Variants in DPM1 observed in about 807,000 individuals in gnomAD.
The protein encoded by DPM1 is dolichyl-phosphate mannosyltransferase subunit 1, catalytic.
DPM1 carries 27 observed loss-of-function variants against 39.0 expected under a neutral mutation model. The observed-to-expected ratio is 0.69, with a 90% confidence interval of 0.51 to 0.95. The LOEUF is 0.95. Ranked by LOEUF, DPM1 falls within the 40% of genes least tolerant of loss-of-function variation. DPM1 has a pLI of 0.00. For missense variants in DPM1, 307 were observed against 315.6 expected, an observed-to-expected ratio of 0.97 and a Z score of 0.21; for synonymous variants, 124 against 109.0, an observed-to-expected ratio of 1.14 and a Z score of -0.86.
intron 5 of DPM1, among the ~76,000 whole-genome samples, chr20:50,943,299 T>G (rs1021333485): frequency 1.3e-5 from 2 of 152,250 alleles, no homozygotes; most frequent in Admixed American, 1.3e-4. Context: ...CCTCTGTGGT[T>G]GTTTCCATGG....
In DPM1 at chr20:50,958,401, C is replaced by A. The variant is rs762396281; in HGVS notation, c.123G>T (p.Pro41=). The stretch of plus-strand genomic sequence containing the variant: ...TTTTCACCAGCAGCCACACGATGAG[C>A]GGCAGGTTCTCGCGCTCGTTGTAGG... ...LPTYNERENL[P]LIVWLLVKSF... The change falls in exon 1 of 9, where the codon CCG becomes CCT. Residue 41 remains proline (P), a synonymous_variant. Transcript: ENST00000371588. 5.6e-6 allele frequency: 9 copies of A among 1,614,010 alleles called. No individual in the cohort carries two copies. The highest frequency in any genetic ancestry group is 3.3e-4 in the Middle Eastern group (2 of 6,062).
intron 2 of DPM1, among the ~76,000 whole-genome samples, chr20:50,954,879 A>G (rs1188910439): frequency 2.0e-5 from 3 of 152,338 alleles, no homozygotes; most frequent in Non-Finnish European, 2.9e-5. Context: ...CCAATTATAT[A>G]ATATTCCTTG....
In DPM1 at chr20:50,958,343, A is replaced by C; in HGVS notation, c.161+20T>G. ...AGCCAGCTCATCTCATTCTTCGGGG[A>C]GGGAGACCTGGTGCGCTACCTCTCG... On this transcript the variant is annotated intron_variant, in intron 1 of 8. Transcript: ENST00000371588. 6.2e-7 allele frequency: 1 copy of C among 1,611,600 alleles called. No homozygotes were observed. Among genetic ancestry groups the C allele is most frequent in the African/African-American group, 1.3e-5 (1 of 74,978 alleles).
intron 2 of DPM1, among the ~76,000 whole-genome samples, chr20:50,953,290 C>T (rs1378960569): frequency 1.3e-5 from 2 of 152,168 alleles, no homozygotes; most frequent in East Asian, 1.9e-4. Flanking sequence ...CCTAACCTCT[C>T]GCTTCAGTTG....
intron 2 of DPM1, among the ~76,000 whole-genome samples, chr20:50,953,650 A>G (rs944853833): frequency 2.0e-5 from 3 of 152,226 alleles, no homozygotes; most frequent in Admixed American, 1.3e-4. Flanking sequence ...GGGTTGATAG[A>G]AAAAATGTCT....
At chr20:50,937,795 A>C (rs1985337771) in intron 7 of DPM1, among the ~76,000 whole-genome samples, 1 of 151,996 alleles carries the variant, frequency 6.6e-6, no homozygotes, top group African/African-American at 2.4e-5. Context: ...ATAATTGCTA[A>C]ATAACTTAGA....
intron 5 of DPM1, among the ~76,000 whole-genome samples, chr20:50,944,015 C>T (rs1284129210): frequency 3.9e-5 from 6 of 152,212 alleles, no homozygotes; most frequent in Admixed American, 2.6e-4. Flanking sequence ...GCTGGGATTA[C>T]AGGCGTGAGC....
chr20:50,958,246 C>A, intron 1 of DPM1, 117 bp downstream of exon 1: 1 of 1,403,278 alleles, frequency 7.1e-7, no homozygotes, highest in South Asian at 1.2e-5. Flanking sequence ...CTCCCCGGGC[C>A]TTCCTGTGTG....
chr20:50,941,403 A>ATATATATTCATATATATATTCATAT (rs1985810837), intron 6 of DPM1, among the ~76,000 whole-genome samples: 7 of 145,210 alleles, frequency 4.8e-5, no homozygotes, highest in African/African-American at 1.5e-4. Flanking sequence ...TATTCATATT[A>ATATATATTCATATATATATTCATAT]TATATATATA....
At chr20:50,954,273 G>A (rs1055141822) in intron 2 of DPM1, among the ~76,000 whole-genome samples, 28 of 152,108 alleles carry the variant, frequency 1.8e-4, no homozygotes, top group African/African-American at 6.8e-4. Flanking sequence ...TCTACTGGAG[G>A]CAAAGGGTAA....
chr20:50,957,080 ACTTT>A (rs1568775730), intron 1 of DPM1, among the ~76,000 whole-genome samples: 3 of 152,208 alleles, frequency 2.0e-5, no homozygotes, highest in African/African-American at 7.2e-5. Flanking sequence ...TATGATAGTT[ACTTT>A]CTTTAATTTA....
Position 50,935,256 on chromosome 20 carries a change from G to GT in DPM1, c.679-21dup. On this transcript the variant is annotated intron_variant, in intron 8 of 8. Transcript: ENST00000371588. Reference sequence around the variant, plus strand: ...TGGAACCTAGTTTAAAAAAAAAAAAGTAACGTTAGTCTTTAAAAACAATTA... The same window carrying GT: ...TGGAACCTAGTTTAAAAAAAAAAAAGTTAACGTTAGTCTTTAAAAACAATTA... The GT allele has an allele frequency of 8.7e-7, 1 of 1,147,024 alleles. No homozygotes were observed. Among genetic ancestry groups the GT allele is most frequent in the Non-Finnish European group, 1.3e-6 (1 of 790,408 alleles). 71.1% of individuals were successfully genotyped at this position (1,147,024 alleles called of 1,614,324 possible).
intron 6 of DPM1, among the ~76,000 whole-genome samples, chr20:50,941,423 T>C (rs564556875): frequency 6.8e-5 from 10 of 147,084 alleles, no homozygotes; most frequent in African/African-American, 2.2e-4. Flanking sequence ...ATTCATATTA[T>C]ATATATTAGC....
intron 7 of DPM1, among the ~76,000 whole-genome samples, chr20:50,937,765 T>A (rs2123068725): frequency 6.6e-6 from 1 of 152,292 alleles, no homozygotes; most frequent in Admixed American, 6.5e-5. Context: ...CATGCCAGGC[T>A]AAGCAAGAAA....
At chr20:50,935,931 T>C (rs1424759040) in intron 8 of DPM1, among the ~76,000 whole-genome samples, 1 of 152,238 alleles carries the variant, frequency 6.6e-6, no homozygotes, top group East Asian at 1.9e-4. Context: ...CAGGAACTTT[T>C]AATTATTTAA....
chr20:50,937,581 AC>A (rs371365830), intron 7 of DPM1, among the ~76,000 whole-genome samples: 19 of 152,132 alleles, frequency 1.2e-4, no homozygotes, highest in African/African-American at 4.1e-4. Context: ...TACTGATGGG[AC>A]TATGTTTCCA....
At chr20:50,953,820 T>G (rs1986700901) in intron 2 of DPM1, among the ~76,000 whole-genome samples, 1 of 152,208 alleles carries the variant, frequency 6.6e-6, no homozygotes, top group South Asian at 2.1e-4. Flanking sequence ...CTCAAAAGTG[T>G]TGTGAATCAG....
At chr20:50,941,109 C>T in intron 6 of DPM1, 176 bp from the exon 7 acceptor site, 1 of 729,108 alleles carries the variant, frequency 1.4e-6, no homozygotes, top group African/African-American at 1.8e-5. Flanking sequence ...GGAGACCTGG[C>T]TAGGCGCGGT....
At chr20:50,955,914 A>G (rs1465809709) in intron 1 of DPM1, among the ~76,000 whole-genome samples, 1 of 152,186 alleles carries the variant, frequency 6.6e-6, no homozygotes, top group East Asian at 1.9e-4. Flanking sequence ...CTTAATAGCA[A>G]ATCTTAGTTA....
Sources: allele counts gnomAD v4.1 joint callset (sites outside exome capture counted in the v4.1 genomes callset), GRCh38; gene constraint gnomAD v4.1.1; transcripts MANE v1.5; gene names NCBI Gene and HGNC (gene_info 2026-07-23, HGNC 2026-07-21).